Variants in TUSC3 observed in about 807,000 individuals in gnomAD.
The protein encoded by TUSC3 is dolichyl-diphosphooligosaccharide--protein glycosyltransferase subunit TUSC3.
TUSC3 carries 45 observed loss-of-function variants against 44.8 expected under a neutral mutation model. The observed-to-expected ratio is 1.00, with a 90% CI of 0.79 to 1.29. TUSC3 has a LOEUF of 1.29. Among genes scored for constraint, TUSC3 ranks in the 50% most tolerant of loss-of-function variants. The probability of loss-of-function intolerance (pLI) is 0.00; values close to 1 mark genes in which losing one functional copy is unlikely to be tolerated. For missense variants in TUSC3, 519 were observed against 437.9 expected (o/e 1.19, Z -1.65); for synonymous variants, 212 against 152.9 (o/e 1.39, Z -2.85).
At chr8:15,760,411 T>A (rs1240036093) in intron 10 of TUSC3, among the ~76,000 whole-genome samples, 1 of 152,218 alleles carries the variant, frequency 6.6e-6, no homozygotes, top group Admixed American at 6.5e-5. Context: ...ACCTATGTAG[T>A]AATATCAATG....
chr8:15,562,308 G>C (rs1358464363), intron 1 of TUSC3, among the ~76,000 whole-genome samples: 2 of 152,068 alleles, frequency 1.3e-5, no homozygotes, highest in Admixed American at 6.6e-5. Context: ...TTATTTCTTA[G>C]TGTGGCATAG....
At chr8:15,795,042 C>T in the TUSC3 span, among the ~76,000 whole-genome samples, 34 of 152,172 alleles carry the variant, frequency 2.2e-4, no homozygotes, top group South Asian at 6.2e-4. Flanking sequence ...ATTAATCTGA[C>T]GGAAAGAGGT....
intron 8 of TUSC3, among the ~76,000 whole-genome samples, chr8:15,746,814 A>G (rs1811437523): frequency 6.6e-6 from 1 of 152,160 alleles, no homozygotes; most frequent in Admixed American, 6.6e-5. Context: ...AGTATAGAGT[A>G]AATAATTTTG....
At chr8:15,720,567 T>C (rs1810265466) in intron 6 of TUSC3, among the ~76,000 whole-genome samples, 2 of 152,134 alleles carry the variant, frequency 1.3e-5, no homozygotes, top group Non-Finnish European at 2.9e-5. Context: ...ATAAAGTCTC[T>C]GATGTCAAAG....
At chr8:15,433,765 A>G (rs746366226) in intron 1 of TUSC3, among the ~76,000 whole-genome samples, 1 of 152,110 alleles carries the variant, frequency 6.6e-6, no homozygotes, top group South Asian at 2.1e-4. Flanking sequence ...TGTGTGTTTT[A>G]GTTATTTATT....
At chr8:15,689,958 G>C (rs957555433) in intron 6 of TUSC3, among the ~76,000 whole-genome samples, 2 of 151,536 alleles carry the variant, frequency 1.3e-5, no homozygotes, top group African/African-American at 4.9e-5. Flanking sequence ...CCTGTGAATA[G>C]TGCTATGATG....
chr8:15,673,758 T>C lies in TUSC3; in HGVS notation c.720T>C (p.Phe240=). ...ACCCTGTTTTTCAGTGTATAGTCTTTGCTATGACTTCTGGCCAGATGTGGA... is the reference window on the plus strand; with the variant it reads ...ACCCTGTTTTTCAGTGTATAGTCTTCGCTATGACTTCTGGCCAGATGTGGA... ...GWAMVSLCIV[F]AMTSGQMWNH... The change falls in exon 6 of 11, where the codon TTT becomes TTC. Residue 240 remains phenylalanine (F), a synonymous_variant. Transcript: ENST00000503731. 3 of 1,612,724 alleles carry C rather than the reference T, an allele frequency of 1.9e-6. No individual in the cohort carries two copies. The highest frequency in any genetic ancestry group is 2.5e-6 in the Non-Finnish European group (3 of 1,179,024).
chr8:15,703,597 C>T (rs1051557470), intron 6 of TUSC3, among the ~76,000 whole-genome samples: 3 of 152,206 alleles, frequency 2.0e-5, no homozygotes, highest in African/African-American at 2.4e-5. Flanking sequence ...AGAAGCATGG[C>T]GCCAGCATCT....
chr8:15,452,245 GCTGA>G (rs1305263780), intron 1 of TUSC3, among the ~76,000 whole-genome samples: 4 of 152,006 alleles, frequency 2.6e-5, no homozygotes, highest in Non-Finnish European at 4.4e-5. Flanking sequence ...AAAAATTTTC[GCTGA>G]CTTTCTTCTC....
chr8:15,452,301 A>G (rs1800204741), intron 1 of TUSC3, among the ~76,000 whole-genome samples: 1 of 152,174 alleles, frequency 6.6e-6, no homozygotes, highest in Admixed American at 6.5e-5. Context: ...GTTGAGTTCT[A>G]GGTATAAATG....
At chr8:15,546,979 T>A (rs969538138) in intron 1 of TUSC3, among the ~76,000 whole-genome samples, 4 of 151,714 alleles carry the variant, frequency 2.6e-5, no homozygotes, top group African/African-American at 9.7e-5. Flanking sequence ...AAATCTGTTA[T>A]AAAAGTCTAA....
At chr8:15,500,472 T>C (rs543109542) in intron 2 of TUSC3, among the ~76,000 whole-genome samples, 2 of 152,292 alleles carry the variant, frequency 1.3e-5, no homozygotes, top group Non-Finnish European at 2.9e-5. Flanking sequence ...CAATCATAAT[T>C]TTAGATCATT....
intron 6 of TUSC3, among the ~76,000 whole-genome samples, chr8:15,684,108 G>A (rs1433403738): frequency 6.6e-6 from 1 of 151,818 alleles, no homozygotes; most frequent in Non-Finnish European, 1.5e-5. Context: ...TCTGGGGAGG[G>A]AAGGCGGGGG....
At chr8:15,538,506 C>A (rs1173068168), upstream of TUSC3, among the ~76,000 whole-genome samples, 1 of 152,188 alleles carries the variant, frequency 6.6e-6, no homozygotes, top group Non-Finnish European at 1.5e-5. Context: ...GCCAGACTGT[C>A]AATGTTCAAA....
At chr8:15,788,720 G>A in the TUSC3 span, among the ~76,000 whole-genome samples, 1 of 152,124 alleles carries the variant, frequency 6.6e-6, no homozygotes, top group Non-Finnish European at 1.5e-5. Flanking sequence ...CAGTCTCTTA[G>A]TTCAAACAGA....
rs528911323 is a variant in TUSC3, at chr8:15,743,448, T to C, written c.863-90T>C. ...TTTACCTCTGTGTGCATTTGTAGTT[T>C]AACCATTCTGGAACATTGTGTTCAG... On this transcript the variant is annotated intron_variant, in intron 7 of 10. Transcript: ENST00000503731. 4 of 1,307,570 alleles carry C rather than the reference T, an allele frequency of 3.1e-6. No homozygotes were observed. In the East Asian group the frequency reaches 9.2e-5, roughly 30 times the overall value. 81.0% of individuals were successfully genotyped at this position (1,307,570 alleles called of 1,614,324 possible).
intron 1 of TUSC3, among the ~76,000 whole-genome samples, chr8:15,445,852 G>A (rs957463576): frequency 1.3e-5 from 2 of 152,210 alleles, no homozygotes. Flanking sequence ...GATGGTAGAC[G>A]GGGTGGCGGC....
intron 5 of TUSC3, among the ~76,000 whole-genome samples, chr8:15,672,118 G>A (rs936226182): frequency 2.0e-5 from 3 of 151,988 alleles, no homozygotes; most frequent in Admixed American, 6.6e-5. Flanking sequence ...TGGATGCAGG[G>A]GGAAGCAAGA....
At chr8:15,658,761 C>A (rs949369188) in intron 3 of TUSC3, among the ~76,000 whole-genome samples, 1 of 151,024 alleles carries the variant, frequency 6.6e-6, no homozygotes, top group Non-Finnish European at 1.5e-5. Flanking sequence ...TGCAAATTAA[C>A]CTAATATATG....
Sources: gnomAD v4.1 joint callset for allele counts (sites outside exome capture counted in the v4.1 genomes callset) on GRCh38, gnomAD v4.1.1 for gene constraint, MANE v1.5 for transcripts, NCBI Gene and HGNC (gene_info 2026-07-23, HGNC 2026-07-21) for gene names.